CSMD1: variants seen among roughly 807,000 people sequenced by gnomAD.
The protein encoded by CSMD1 is CUB and sushi domain-containing protein 1.
A neutral mutation model predicts 417.5 loss-of-function variants in CSMD1; 213 were observed. That is an observed-to-expected ratio of 0.51 (90% CI 0.46 to 0.57). The LOEUF is 0.57. Ranked by LOEUF, CSMD1 falls within the 20% of genes least tolerant of loss-of-function variation. The pLI is 0.00. For synonymous variants in CSMD1, 2,862 were observed against 1,736.8 expected, an observed-to-expected ratio of 1.65 and a Z score of -16.11; for missense variants, 6,923 against 4,529.7, an observed-to-expected ratio of 1.53 and a Z score of -15.17.
At chr8:3,896,647 G>A (rs1260770057) in intron 5 of CSMD1, among the ~76,000 whole-genome samples, 1 of 151,990 alleles carries the variant, frequency 6.6e-6, no homozygotes, top group African/African-American at 2.4e-5. Flanking sequence ...GAGTAGCTGG[G>A]ACTACAGGCG....
At chr8:4,850,659 G>C (rs1055765268) in intron 1 of CSMD1, among the ~76,000 whole-genome samples, 5 of 151,784 alleles carry the variant, frequency 3.3e-5, no homozygotes, top group Non-Finnish European at 7.4e-5. Context: ...CAAAGTCCTT[G>C]CTCCTTACCC....
At chr8:3,517,740 GATTA>G (rs1356003487) in intron 10 of CSMD1, among the ~76,000 whole-genome samples, 1 of 152,274 alleles carries the variant, frequency 6.6e-6, no homozygotes, top group Non-Finnish European at 1.5e-5. Context: ...AGGGCTGAGA[GATTA>G]ATTAAAATGA....
At chr8:4,133,027 G>A (rs1190201818) in intron 3 of CSMD1, among the ~76,000 whole-genome samples, 13 of 152,066 alleles carry the variant, frequency 8.5e-5, no homozygotes, top group Admixed American at 7.9e-4. Flanking sequence ...TCCGACTCCC[G>A]GGTTAAAGCG....
intron 1 of CSMD1, among the ~76,000 whole-genome samples, chr8:4,784,527 C>A (rs570972950): frequency 6.6e-6 from 1 of 152,246 alleles, no homozygotes; most frequent in African/African-American, 2.4e-5. Context: ...AGGAGACAGA[C>A]CCTTTAGTGT....
chr8:4,337,014 C>G (rs149119396), intron 3 of CSMD1, among the ~76,000 whole-genome samples: 261 of 152,154 alleles, frequency 1.7e-3, no homozygotes, highest in African/African-American at 6.0e-3. Context: ...GGCCTGCTTA[C>G]TAAATCTGCA....
intron 3 of CSMD1, among the ~76,000 whole-genome samples, chr8:4,314,603 TCACACA>T (rs10610837): frequency 0.036 from 5,441 of 150,474 alleles, 115 homozygotes; most frequent in Middle Eastern, 0.059. Flanking sequence ...TATTACATTT[TCACACA>T]CACACACACA....
intron 10 of CSMD1, among the ~76,000 whole-genome samples, chr8:3,507,246 GAAGTA>G (rs2117375130): frequency 6.6e-6 from 1 of 152,076 alleles, no homozygotes; most frequent in East Asian, 1.9e-4. Context: ...TTTTTTTGTA[GAAGTA>G]AAAAGGAAAA....
At chr8:4,407,389 G>C (rs1014349736) in intron 3 of CSMD1, among the ~76,000 whole-genome samples, 6 of 152,168 alleles carry the variant, frequency 3.9e-5, no homozygotes, top group East Asian at 1.9e-4. Context: ...TAACAGGCTA[G>C]AAGGCAACTT....
intron 1 of CSMD1, among the ~76,000 whole-genome samples, chr8:4,940,060 G>C (rs1477392337): frequency 2.6e-5 from 4 of 152,182 alleles, no homozygotes; most frequent in Non-Finnish European, 5.9e-5. Flanking sequence ...CAAGAGCTGA[G>C]GTAGGAGAAC....
intron 6 of CSMD1, among the ~76,000 whole-genome samples, chr8:3,752,700 A>C (rs867554104): frequency 1.3e-5 from 2 of 151,006 alleles, no homozygotes; most frequent in East Asian, 1.9e-4. Context: ...AAAAAAAAAA[A>C]AAAACATATT....
intron 5 of CSMD1, among the ~76,000 whole-genome samples, chr8:3,963,623 T>G (rs989240705): frequency 6.6e-6 from 1 of 152,226 alleles, no homozygotes; most frequent in Non-Finnish European, 1.5e-5. Context: ...GCACATATGG[T>G]ATATTGTTTC....
At chr8:4,576,481 T>C (rs565518382) in intron 2 of CSMD1, among the ~76,000 whole-genome samples, 18 of 152,338 alleles carry the variant, frequency 1.2e-4, no homozygotes, top group African/African-American at 4.1e-4. Context: ...GTATATATTT[T>C]TTCACATACA....
chr8:4,461,741 AT>A (rs35226423), intron 2 of CSMD1, among the ~76,000 whole-genome samples: 15 of 124,546 alleles, frequency 1.2e-4, no homozygotes, highest in Admixed American at 3.6e-4. Flanking sequence ...TTATTTACTT[AT>A]TTTTTTTTTT....
chr8:3,094,677 C>A (rs1451608221), intron 47 of CSMD1, among the ~76,000 whole-genome samples: 1 of 151,504 alleles, frequency 6.6e-6, no homozygotes, highest in Admixed American at 6.6e-5. Context: ...TTTTAAAAAG[C>A]ATTATGGGAT....
intron 3 of CSMD1, among the ~76,000 whole-genome samples, chr8:4,096,183 C>G (rs1420780324): frequency 6.6e-6 from 1 of 152,028 alleles, no homozygotes; most frequent in Non-Finnish European, 1.5e-5. Flanking sequence ...TTTTTCTCTT[C>G]AAAATGGAAC....
chr8:4,637,451 C>A lies in CSMD1; in HGVS notation c.193G>T (p.Gly65Cys). Residue 65 changes from glycine (G) to cysteine (C), a missense_variant, in exon 2 of 70, where the codon GGC becomes TGC. By Grantham distance (159) the Gly-to-Cys change is radical (BLOSUM62 -3). Coordinates refer to ENST00000635120, the MANE Select transcript of CSMD1 (RefSeq NM_033225.6). ...YANCTWIIIT[G>C]ERNRIQLSFH... is the part of the protein sequence containing the mutation. ...GACAACTGTATCCTATTGCGCTCGC[C>A]CGTGATGATGATCCAGGTGCAGTTG... 6.2e-7 allele frequency: 1 copy of A among 1,613,790 alleles called. No individual in the cohort carries two copies. Among genetic ancestry groups the A allele is most frequent in the Middle Eastern group, 1.6e-4 (1 of 6,062 alleles).
At chr8:3,732,615 G>A (rs1477876143) in intron 6 of CSMD1, among the ~76,000 whole-genome samples, 2 of 152,128 alleles carry the variant, frequency 1.3e-5, no homozygotes, top group Non-Finnish European at 2.9e-5. Flanking sequence ...AGCAACCCTT[G>A]CCTTTAAGAC....
intron 1 of CSMD1, among the ~76,000 whole-genome samples, chr8:4,659,011 G>A (rs935107271): frequency 6.6e-6 from 1 of 152,014 alleles, no homozygotes; most frequent in East Asian, 1.9e-4. Flanking sequence ...TACATAAAGG[G>A]AAATGAGAGG....
intron 3 of CSMD1, among the ~76,000 whole-genome samples, chr8:4,174,340 A>G (rs1351342545): frequency 6.6e-6 from 1 of 152,142 alleles, no homozygotes; most frequent in Non-Finnish European, 1.5e-5. Context: ...CCCGTTTTAC[A>G]GATTAAAGTG....
Sources: gnomAD v4.1 joint callset for allele counts (sites outside exome capture counted in the v4.1 genomes callset) on GRCh38, gnomAD v4.1.1 for gene constraint, MANE v1.5 for transcripts, NCBI Gene and HGNC (gene_info 2026-07-23, HGNC 2026-07-21) for gene names.